Variants in NRG1 observed in about 807,000 individuals in gnomAD.
The protein encoded by NRG1 is pro-neuregulin-1, membrane-bound isoform.
NRG1 carries 18 observed loss-of-function variants against 63.8 expected under a neutral mutation model. The observed-to-expected ratio is 0.28, with a 90% confidence interval of 0.19 to 0.42. The LOEUF (loss-of-function observed/expected upper bound fraction) is 0.42. Ranked by LOEUF, NRG1 falls within the 10% of genes least tolerant of loss-of-function variation. The pLI is 1.00. For synonymous variants in NRG1, 302 were observed against 301.3 expected (o/e 1.00, Z -0.02); for missense variants, 762 against 814.7 (o/e 0.94, Z 0.79).
intron 5 of NRG1, among the ~76,000 whole-genome samples, chr8:32,682,244 G>A (rs1004242012): frequency 1.3e-5 from 2 of 152,086 alleles, no homozygotes; most frequent in African/African-American, 4.8e-5. Context: ...TTATTATGAT[G>A]AATCACCCAT....
intron 1 of NRG1, among the ~76,000 whole-genome samples, chr8:32,309,905 T>A (rs912992966): frequency 6.6e-6 from 1 of 152,152 alleles, no homozygotes; most frequent in African/African-American, 2.4e-5. Context: ...AGGAAAAAAA[T>A]GTTAAGTCCA....
chr8:32,621,299 A>C (rs1457534420), intron 5 of NRG1, among the ~76,000 whole-genome samples: 1 of 152,178 alleles, frequency 6.6e-6, no homozygotes, highest in Non-Finnish European at 1.5e-5. Flanking sequence ...TCTGTGACTA[A>C]AAACTTATAA....
intron 1 of NRG1, among the ~76,000 whole-genome samples, chr8:32,210,261 A>G (rs1430725557): frequency 6.6e-6 from 1 of 151,996 alleles, no homozygotes; most frequent in East Asian, 1.9e-4. Context: ...TTTTCATATT[A>G]GAAATTAAAA....
chr8:32,645,180 A>C (rs538634873), intron 5 of NRG1, among the ~76,000 whole-genome samples: 3 of 152,350 alleles, frequency 2.0e-5, no homozygotes, highest in Admixed American at 6.5e-5. Context: ...ACTATCTTTC[A>C]ATTTGAATGC....
chr8:32,326,196 G>A (rs1262271131), intron 1 of NRG1, among the ~76,000 whole-genome samples: 2 of 151,770 alleles, frequency 1.3e-5, no homozygotes, highest in Non-Finnish European at 2.9e-5. Context: ...TTTTAGTAGA[G>A]ACAGGGTTTC....
At chr8:32,088,548 T>C (rs149369088) in intron 1 of NRG1, among the ~76,000 whole-genome samples, 1 of 149,516 alleles carries the variant, frequency 6.7e-6, no homozygotes, top group East Asian at 2.0e-4. Flanking sequence ...AGACAAAGTC[T>C]CAGTCTGTTG....
chr8:32,089,182 A>G (rs1271094709), intron 1 of NRG1, among the ~76,000 whole-genome samples: 1 of 152,228 alleles, frequency 6.6e-6, no homozygotes, highest in Non-Finnish European at 1.5e-5. Context: ...GCACTCTGCC[A>G]TGGTGAGTTC....
intron 1 of NRG1, among the ~76,000 whole-genome samples, chr8:32,444,342 GT>G (rs758965241): frequency 6.6e-6 from 1 of 151,830 alleles, no homozygotes; most frequent in Non-Finnish European, 1.5e-5. Flanking sequence ...TAGAGACTTT[GT>G]TGCCTAGGCT....
At chr8:31,774,721 A>G (rs964175085) in intron 1 of NRG1, among the ~76,000 whole-genome samples, 2 of 152,194 alleles carry the variant, frequency 1.3e-5, no homozygotes, top group South Asian at 2.1e-4. Context: ...TCTGCAAGGA[A>G]CTTAGACAAG....
At chr8:32,658,493 T>A (rs1802053408) in intron 5 of NRG1, among the ~76,000 whole-genome samples, 1 of 152,220 alleles carries the variant, frequency 6.6e-6, no homozygotes, top group South Asian at 2.1e-4. Flanking sequence ...GGATTCTAGC[T>A]CTTTTACTAA....
intron 1 of NRG1, among the ~76,000 whole-genome samples, chr8:32,472,459 C>T (rs7011548): frequency 0.62 from 94,644 of 152,184 alleles, 29,691 homozygotes; most frequent in East Asian, 0.8. Flanking sequence ...TGTGAGCCAC[C>T]GTGCCCGGCC....
chr8:31,782,939 T>A (rs889580689), intron 1 of NRG1, among the ~76,000 whole-genome samples: 4 of 152,184 alleles, frequency 2.6e-5, no homozygotes, highest in Non-Finnish European at 4.4e-5. Flanking sequence ...GGGTTATGAA[T>A]GTCCAGTATC....
chr8:31,779,034 G>A (rs1057258338), intron 1 of NRG1, among the ~76,000 whole-genome samples: 2 of 152,180 alleles, frequency 1.3e-5, no homozygotes, highest in African/African-American at 4.8e-5. Context: ...ATCCACTGCT[G>A]AAAAATGAGA....
At chr8:31,717,652 T>C (rs1004546757) in intron 1 of NRG1, among the ~76,000 whole-genome samples, 59 of 152,178 alleles carry the variant, frequency 3.9e-4, no homozygotes, top group African/African-American at 1.4e-3. Flanking sequence ...AACTCACGGC[T>C]TTATATTTAC....
intron 1 of NRG1, among the ~76,000 whole-genome samples, chr8:31,878,529 T>C (rs1380998112): frequency 2.0e-5 from 3 of 152,208 alleles, no homozygotes; most frequent in Non-Finnish European, 4.4e-5. Context: ...ATATACTATT[T>C]ATCGATTGTT....
intron 7 of NRG1, among the ~76,000 whole-genome samples, chr8:32,747,857 G>A (rs1366436988): frequency 1.3e-5 from 2 of 151,474 alleles, no homozygotes; most frequent in East Asian, 1.9e-4. Flanking sequence ...GCTAGTTAAC[G>A]AGAATACAGT....
intron 1 of NRG1, among the ~76,000 whole-genome samples, chr8:32,002,028 A>AATT (rs771043971): frequency 4.6e-5 from 7 of 151,816 alleles, no homozygotes; most frequent in Non-Finnish European, 7.4e-5. Context: ...AAATTAATTG[A>AATT]ATTTTTTTTT....
At chr8:31,728,962 C>A (rs1813734832) in intron 1 of NRG1, among the ~76,000 whole-genome samples, 1 of 152,136 alleles carries the variant, frequency 6.6e-6, no homozygotes, top group African/African-American at 2.4e-5. Context: ...TCCATGTTGA[C>A]TCTGAGTTAG....
At chr8:31,815,988 G>A (rs144233916) in intron 1 of NRG1, among the ~76,000 whole-genome samples, 3,970 of 152,080 alleles carry the variant, frequency 0.026, 72 homozygotes, top group Non-Finnish European at 0.039. Flanking sequence ...TTCAGCGTTT[G>A]CTTATTTTCA....
Sources: gnomAD v4.1 joint callset for allele counts (sites outside exome capture counted in the v4.1 genomes callset) on GRCh38, gnomAD v4.1.1 for gene constraint, MANE v1.5 for transcripts, NCBI Gene and HGNC (gene_info 2026-07-23, HGNC 2026-07-21) for gene names.